ARNT: variants seen among roughly 807,000 people sequenced by gnomAD.
ARNT encodes the protein class E basic helix-loop-helix protein 2.
A neutral mutation model predicts 105.0 loss-of-function variants in ARNT; 30 were observed. The observed-to-expected ratio is 0.29, with a 90% CI of 0.21 to 0.39. The LOEUF (loss-of-function observed/expected upper bound fraction) is 0.39. ARNT is among the 10% of genes least tolerant of loss of function. The pLI is 1.00. For synonymous variants in ARNT, 304 were observed against 344.0 expected (o/e 0.88, Z 1.29); for missense variants, 748 against 978.7 (o/e 0.76, Z 3.15).
At chr1:150,825,215 C>G (rs1160066003) in intron 13 of ARNT, among the ~76,000 whole-genome samples, 1 of 152,058 alleles carries the variant, frequency 6.6e-6, no homozygotes, top group East Asian at 1.9e-4. Flanking sequence ...TCTTTTAACT[C>G]TATATTCCTA....
chr1:150,850,739 G>A (rs1330183696), intron 3 of ARNT, among the ~76,000 whole-genome samples: 1 of 151,632 alleles, frequency 6.6e-6, no homozygotes, highest in East Asian at 2.0e-4. Flanking sequence ...CTGCCTGGCC[G>A]CCCATCGTCT....
chr1:150,835,459 C>T (rs1660145552), intron 7 of ARNT, among the ~76,000 whole-genome samples: 1 of 151,950 alleles, frequency 6.6e-6, no homozygotes, highest in African/African-American at 2.4e-5. Context: ...AAAAATTGGT[C>T]AAGTGTGGTG....
intron 2 of ARNT, among the ~76,000 whole-genome samples, chr1:150,855,158 C>T (rs1002194042): frequency 1.3e-5 from 2 of 152,038 alleles, no homozygotes; most frequent in African/African-American, 4.8e-5. Context: ...AGTTTAGGTA[C>T]AAAGAAGTTC....
In ARNT at chr1:150,817,986, T is replaced by G. The variant is rs1287655012; in HGVS notation, c.1439A>C (p.Gln480Pro). Residue 480 changes from glutamine to proline, a missense_variant, in exon 15 of 22, where the codon CAG (glutamine) becomes CCG (proline). Around this residue, in one of 4 missense-constraint regions of ARNT, gnomAD observed 360 missense variants for 411.9 expected, o/e 0.87. Transcript: ENST00000358595. ...EPRPTLSNTI[Q>P]RPQLGPTANL... ...AGCTGTGGGACCTAGTTGTGGCCTC[T>G]GGATTGTGTTGGAGAGTGTAGGCCG... 1.2e-6 allele frequency: 2 copies of G among 1,613,236 alleles called. No individual in the cohort carries two copies.
chr1:150,840,949 T>C (rs939385425), intron 5 of ARNT, among the ~76,000 whole-genome samples: 6 of 141,678 alleles, frequency 4.2e-5, no homozygotes, highest in African/African-American at 1.6e-4. Context: ...CTTCTTCTTT[T>C]TTTTTTTTTT....
intron 1 of ARNT, among the ~76,000 whole-genome samples, chr1:150,863,183 A>G (rs990923431): frequency 1.1e-4 from 17 of 151,434 alleles, no homozygotes; most frequent in African/African-American, 3.6e-4. Flanking sequence ...CCAACACGGC[A>G]AAATCCCGTC....
At chr1:150,856,635 C>T (rs773558363) in intron 2 of ARNT, among the ~76,000 whole-genome samples, 4 of 151,792 alleles carry the variant, frequency 2.6e-5, no homozygotes, top group South Asian at 2.1e-4. Context: ...TGGTGGCGCA[C>T]GCCTGTAGTC....
At chr1:150,862,106 T>C (rs1417953947) in intron 1 of ARNT, among the ~76,000 whole-genome samples, 1 of 152,198 alleles carries the variant, frequency 6.6e-6, no homozygotes, top group Admixed American at 6.5e-5. Flanking sequence ...TATATTGCTA[T>C]GGCAATAAAT....
chr1:150,826,562 A>G lies in ARNT; in HGVS notation c.1223T>C (p.Leu408Pro). Residue 408 changes from leucine to proline, a missense_variant, in exon 13 of 22, where the codon CTA (leucine) becomes CCA (proline). Coordinates refer to ENST00000358595, the MANE Select transcript of ARNT (RefSeq NM_001668.4). ...EFCHPEDQQL[L>P]RDSFQQVVKL... ...AGTTACCTGTTGGAAGCTGTCTCTT[A>G]GAAGCTGCTGGTCTTCAGGATGACA... 1 of 1,613,366 alleles carries G rather than the reference A, an allele frequency of 6.2e-7. No homozygotes were observed. The highest frequency in any genetic ancestry group is 8.5e-7 in the Non-Finnish European group (1 of 1,179,470).
In ARNT at chr1:150,863,716, C is replaced by T. The variant is rs943802565; in HGVS notation, c.26-5256G>A. ...CCTGTAATCCCAGCTACTCAGGAGG[C>T]TGAGATAGGAGAATTGCTTGAACCC... On this transcript the variant is annotated intron_variant, in intron 1 of 21. Transcript: ENST00000358595. 3.3e-5 allele frequency among the ~76,000 whole-genome samples: 5 copies of T among 151,458 alleles called. No homozygotes were observed. The South Asian group carries it at 8.3e-4, about 25-fold the overall frequency.
chr1:150,862,126 G>T (rs890338364), intron 1 of ARNT, among the ~76,000 whole-genome samples: 3 of 152,062 alleles, frequency 2.0e-5, no homozygotes, highest in Non-Finnish European at 4.4e-5. Context: ...TACACACGTA[G>T]ATCATTCTTT....
chr1:150,841,569 T>C (rs1317318144), intron 5 of ARNT, among the ~76,000 whole-genome samples: 4 of 151,998 alleles, frequency 2.6e-5, no homozygotes, highest in Non-Finnish European at 5.9e-5. Flanking sequence ...AGGGGGAATA[T>C]AGTAAAAATG....
chr1:150,870,778 G>A (rs1040120798), intron 1 of ARNT, among the ~76,000 whole-genome samples: 2 of 151,948 alleles, frequency 1.3e-5, no homozygotes, highest in Admixed American at 6.6e-5. Flanking sequence ...CAAAGTGCTA[G>A]GATTACAGGT....
At chr1:150,830,031 C>T in intron 10 of ARNT, 51 bp from the exon 11 acceptor site, 1 of 1,587,970 alleles carries the variant, frequency 6.3e-7, no homozygotes, top group East Asian at 2.2e-5. Context: ...AACTCAAATG[C>T]CTTCAAAACT....
chr1:150,817,329 C>G, intron 16 of ARNT, 32 bp downstream of exon 16: 1 of 1,612,822 alleles, frequency 6.2e-7, no homozygotes, highest in Non-Finnish European at 8.5e-7. Context: ...TAAATACTCC[C>G]TACCCTCTTC....
At chr1:150,841,591 C>CA (rs1337218384) in intron 5 of ARNT, among the ~76,000 whole-genome samples, 1 of 152,136 alleles carries the variant, frequency 6.6e-6, no homozygotes, top group Non-Finnish European at 1.5e-5. Flanking sequence ...GTATTGGCAT[C>CA]AATGATCTAT....
intron 12 of ARNT, among the ~76,000 whole-genome samples, chr1:150,828,257 T>C (rs1658651396): frequency 1.3e-5 from 2 of 152,070 alleles, no homozygotes; most frequent in South Asian, 4.1e-4. Flanking sequence ...TTTGTAACTT[T>C]AGCTCTTACA....
chr1:150,838,305 A>G (rs587748492), intron 6 of ARNT, among the ~76,000 whole-genome samples: 1 of 152,304 alleles, frequency 6.6e-6, no homozygotes, highest in Non-Finnish European at 1.5e-5. Flanking sequence ...TGCATTTTAC[A>G]GGATTCATTA....
chr1:150,813,485 C>T, intron 20 of ARNT, 147 bp from the exon 21 acceptor site: 1 of 809,094 alleles, frequency 1.2e-6, no homozygotes, highest in Non-Finnish European at 1.8e-6. Flanking sequence ...CCTTTTCTAT[C>T]TCAAAACTCA....
Sources: gnomAD v4.1 joint callset for allele counts (sites outside exome capture counted in the v4.1 genomes callset) on GRCh38, gnomAD v4.1.1 for gene constraint, gnomAD v4.1.1 regional missense constraint, MANE v1.5 for transcripts, NCBI Gene and HGNC (gene_info 2026-07-23, HGNC 2026-07-21) for gene names.